IL17RD: variants seen among roughly 807,000 people sequenced by gnomAD.
The protein encoded by IL17RD is interleukin 17 receptor D.
Under a neutral mutation model 80.5 loss-of-function variants are expected in IL17RD, and 52 were observed. That is an observed-to-expected ratio of 0.65 (90% CI 0.52 to 0.81). IL17RD has a LOEUF of 0.81. Ranked by LOEUF, IL17RD falls within the 40% of genes least tolerant of loss-of-function variation. The pLI is 0.00. For synonymous variants in IL17RD, 416 were observed against 391.8 expected (o/e 1.06, Z -0.73); for missense variants, 1,024 against 955.1 (o/e 1.07, Z -0.95).
chr3:57,146,147 TA>T (rs1707926247), intron 1 of IL17RD, among the ~76,000 whole-genome samples: 2 of 152,204 alleles, frequency 1.3e-5, no homozygotes, highest in South Asian at 4.1e-4. Context: ...TCCATGATAA[TA>T]TTCAGATTCA....
chr3:57,118,022 C>A (rs746888155), intron 2 of IL17RD, among the ~76,000 whole-genome samples: 4 of 152,072 alleles, frequency 2.6e-5, no homozygotes, highest in African/African-American at 4.8e-5. Context: ...ACGGAGAGAT[C>A]CTCCTTCACA....
intron 1 of IL17RD, among the ~76,000 whole-genome samples, chr3:57,127,858 GC>G (rs1244669484): frequency 1.1e-4 from 16 of 152,264 alleles, no homozygotes; most frequent in Admixed American, 9.8e-4. Flanking sequence ...AGAATATGGG[GC>G]CATTTGACTC....
At chr3:57,102,185 G>A (rs1017967204) in intron 10 of IL17RD, among the ~76,000 whole-genome samples, 8 of 152,186 alleles carry the variant, frequency 5.3e-5, no homozygotes, top group South Asian at 4.1e-4. Flanking sequence ...TGGGAGGATG[G>A]CCTAAGCCTG....
chr3:57,121,985 G>A (rs1707349722), intron 1 of IL17RD, among the ~76,000 whole-genome samples: 1 of 152,150 alleles, frequency 6.6e-6, no homozygotes, highest in Non-Finnish European at 1.5e-5. Context: ...AATTAACATG[G>A]GGTTCATTAT....
chr3:57,138,186 G>A (rs1427395700), intron 1 of IL17RD, among the ~76,000 whole-genome samples: 2 of 152,154 alleles, frequency 1.3e-5, no homozygotes, highest in African/African-American at 2.4e-5. Flanking sequence ...GGTGGTGATG[G>A]TTGCAAAACA....
In IL17RD at chr3:57,097,922, T is replaced by C; in HGVS notation, c.1781A>G (p.Lys594Arg). 6 of 1,614,016 alleles carry C rather than the reference T, an allele frequency of 3.7e-6. No homozygotes were observed. The highest frequency in any genetic ancestry group is 1.1e-5 in the South Asian group (1 of 91,080). ...GCAGAAGTCACTCTCAGGCCCTGGT[T>C]TGCACATGACATCATTTAAAACCAA... ...SGLVLNDVMCKPGPESDFCLK... is the reference protein window; with the variant it reads ...SGLVLNDVMCRPGPESDFCLK... Residue 594 changes from lysine to arginine, a missense_variant, in exon 12 of 13, where the codon AAA (lysine) becomes AGA (arginine). Transcript: ENST00000296318.
rs747399715 is a variant in IL17RD, at chr3:57,098,182, G to C, written c.1521C>G (p.Leu507=). 1.5e-5 allele frequency: 24 copies of C among 1,613,856 alleles called. 1 individual carries two copies. Among genetic ancestry groups the C allele is most frequent in the Admixed American group, 6.7e-5 (4 of 60,002 alleles). The change falls in exon 12 of 13, where the codon CTC becomes CTG. Residue 507 remains leucine (L), a synonymous_variant. Transcript: ENST00000296318. ...GGTCTCGGGAGTGCAAGTGGGAACA[G>C]AGCTGAGGAAGATTGTCCATGAGTC... is the stretch of plus-strand genomic sequence containing the variant. ...KYRLMDNLPQ[L]CSHLHSRDHG...
intron 2 of IL17RD, among the ~76,000 whole-genome samples, chr3:57,115,640 A>G (rs1315016930): frequency 6.6e-6 from 1 of 152,212 alleles, no homozygotes; most frequent in Non-Finnish European, 1.5e-5. Flanking sequence ...GCGACTTCAG[A>G]GAATGGCCAT....
At chr3:57,146,015 G>A (rs114207878) in intron 1 of IL17RD, among the ~76,000 whole-genome samples, 2,426 of 147,274 alleles carry the variant, frequency 0.016, 26 homozygotes, top group Middle Eastern at 0.041. Flanking sequence ...GAAAGCGTGC[G>A]CGCACACACA....
chr3:57,105,985 T>C lies in IL17RD; in HGVS notation c.619A>G (p.Ile207Val). 6.2e-7 allele frequency: 1 copy of C among 1,613,942 alleles called. No individual in the cohort carries two copies. The highest frequency in any genetic ancestry group is 2.2e-5 in the East Asian group (1 of 44,874). The change falls in exon 7 of 13, where the codon ATC becomes GTC. Residue 207 changes from isoleucine (I) to valine (V), a missense_variant. By Grantham distance (29) the Ile-to-Val change is conservative. Coordinates refer to ENST00000296318, the MANE Select transcript of IL17RD (RefSeq NM_017563.5). ...KPFWKPRNLN[I>V]SQHGSDMQVS... is the part of the protein sequence containing the mutation. ...TGCATGTCCGAGCCATGCTGGCTGATGTTCAGGTTCCGAGGCTTCCAGACT... is the reference window on the plus strand; with the variant it reads ...TGCATGTCCGAGCCATGCTGGCTGACGTTCAGGTTCCGAGGCTTCCAGACT...
chr3:57,121,682 A>G (rs532427934), intron 1 of IL17RD, among the ~76,000 whole-genome samples: 2 of 152,294 alleles, frequency 1.3e-5, no homozygotes, highest in African/African-American at 2.4e-5. Context: ...AGTGTTGTGA[A>G]CTTATTAAAA....
At chr3:57,161,997 G>A (rs1220827104) in intron 1 of IL17RD, among the ~76,000 whole-genome samples, 1 of 152,192 alleles carries the variant, frequency 6.6e-6, no homozygotes, top group Non-Finnish European at 1.5e-5. Flanking sequence ...ACTGACCTGT[G>A]TTCAAGATGG....
Position 57,097,810 on chromosome 3 carries a change from C to T in IL17RD, c.1893G>A (p.Gly631=). The T allele has an allele frequency of 6.2e-7, 1 of 1,607,534 alleles. No homozygotes were observed. Among genetic ancestry groups the T allele is most frequent in the Non-Finnish European group, 8.5e-7 (1 of 1,176,954 alleles). ...TACCGTCAAGGGCAGGCCGGGCCTCCCCGTCTTGGTCCAGGCCCCCATGCT... is the reference window on the plus strand; with the variant it reads ...TACCGTCAAGGGCAGGCCGGGCCTCTCCGTCTTGGTCCAGGCCCCCATGCT... The part of the protein sequence containing the change: ...ESQHGGLDQD[G]EARPALDGSA... Residue 631 remains glycine, a synonymous_variant, in exon 12 of 13, where the codon GGG becomes GGA. Transcript: ENST00000296318.
chr3:57,164,932 A>G (rs2060336415), intron 1 of IL17RD: 1 of 1,273,172 alleles, frequency 7.9e-7, no homozygotes, highest in Non-Finnish European at 9.9e-7. Flanking sequence ...GCACCTCATT[A>G]GCAACACAAA....
rs562800836 is a variant in IL17RD, at chr3:57,099,135, C to T, written c.1165-597G>A. On this transcript the variant is annotated intron_variant, in intron 11 of 12. Transcript: ENST00000296318. ...GACACTCTCATAGCCTCAGGCTCAC[C>T]TATGTTGTTTACTAGTTGGTCCATG... Among the ~76,000 whole-genome samples the T allele has an allele frequency of 1.2e-3, 178 of 152,350 alleles. 2 individuals carry two copies. Among genetic ancestry groups the T allele is most frequent in the Non-Finnish European group, 2.6e-4 (18 of 68,038 alleles).
intron 1 of IL17RD, among the ~76,000 whole-genome samples, chr3:57,161,479 T>C (rs970304084): frequency 6.6e-6 from 1 of 152,226 alleles, no homozygotes; most frequent in African/African-American, 2.4e-5. Flanking sequence ...AAACTTGCAT[T>C]TCATTGTAAA....
chr3:57,110,829 T>C (rs1313306978), intron 3 of IL17RD, among the ~76,000 whole-genome samples: 2 of 152,194 alleles, frequency 1.3e-5, no homozygotes. Flanking sequence ...TGAGATTAAA[T>C]AGCTTAGGGG....
In IL17RD at chr3:57,091,211, T is replaced by C. The variant is rs1236478179; in HGVS notation, c.*5182A>G. The C allele has an allele frequency of 6.6e-6, 1 of 152,432 alleles. No homozygotes were observed. Among genetic ancestry groups the C allele is most frequent in the Non-Finnish European group, 1.5e-5 (1 of 68,018 alleles). The allele number at this position is 152,432 out of a possible 1,614,324, so 9.4% of individuals were successfully genotyped here. A position where few individuals can be genotyped will look rare whatever the true frequency, so the allele number is the denominator to read the frequency against. On this transcript the variant is annotated 3_prime_UTR_variant, in exon 13 of 13. Coordinates refer to ENST00000296318, the MANE Select transcript of IL17RD (RefSeq NM_017563.5). Reference sequence around the variant, plus strand: ...AGATGTGTAAAAATAGGATCTAAAATTGGGAGGGAGGGGTAGCTGCCACTC... The same window carrying C: ...AGATGTGTAAAAATAGGATCTAAAACTGGGAGGGAGGGGTAGCTGCCACTC...
chr3:57,136,826 G>A (rs62250355), intron 1 of IL17RD, among the ~76,000 whole-genome samples: 1 of 152,020 alleles, frequency 6.6e-6, no homozygotes, highest in South Asian at 2.1e-4. Context: ...GTGAGAATAA[G>A]GCTAAACTAG....
Sources: allele counts gnomAD v4.1 joint callset (sites outside exome capture counted in the v4.1 genomes callset), GRCh38; gene constraint gnomAD v4.1.1; transcripts MANE v1.5; gene names NCBI Gene and HGNC (gene_info 2026-07-23, HGNC 2026-07-21).